The following IPMK variants were observed in gnomAD, a reference collection of about 807,000 sequenced individuals.
IPMK encodes the protein inositol polyphosphate multikinase.
Under a neutral mutation model 45.8 loss-of-function variants are expected in IPMK, and 17 were observed. The observed-to-expected ratio is 0.37, with a 90% CI of 0.25 to 0.56. The LOEUF is 0.56. IPMK is among the 20% of genes least tolerant of loss of function. The probability of loss-of-function intolerance (pLI) is 0.79; values close to 1 mark genes in which losing one functional copy is unlikely to be tolerated. For missense variants in IPMK, 399 were observed against 498.0 expected, an observed-to-expected ratio of 0.80 and a Z score of 1.89; for synonymous variants, 180 against 184.3, an observed-to-expected ratio of 0.98 and a Z score of 0.19.
At chr10:58,244,527 C>G (rs1360332975) in intron 1 of IPMK, among the ~76,000 whole-genome samples, 1 of 150,272 alleles carries the variant, frequency 6.7e-6, no homozygotes, top group Non-Finnish European at 1.5e-5. Context: ...GAAGTGTACC[C>G]AACAGCTCCG....
At chr10:58,232,593 C>A (rs529628354) in intron 2 of IPMK, among the ~76,000 whole-genome samples, 25 of 152,114 alleles carry the variant, frequency 1.6e-4, no homozygotes, top group Non-Finnish European at 3.1e-4. Context: ...GGGTACATAA[C>A]GAAATGAAAG....
intron 4 of IPMK, among the ~76,000 whole-genome samples, chr10:58,203,284 C>T (rs1255521990): frequency 2.0e-5 from 3 of 152,114 alleles, no homozygotes; most frequent in South Asian, 2.1e-4. Context: ...CATGATAAAC[C>T]GTGAATGGAT....
chr10:58,202,523 G>C (rs547116520), intron 4 of IPMK, among the ~76,000 whole-genome samples: 1 of 152,114 alleles, frequency 6.6e-6, no homozygotes, highest in Non-Finnish European at 1.5e-5. Flanking sequence ...AAATTAGTTG[G>C]GTGTGGTGGC....
At chr10:58,250,413 G>GTTT (rs1483993807) in intron 1 of IPMK, among the ~76,000 whole-genome samples, 2 of 129,434 alleles carry the variant, frequency 1.5e-5, no homozygotes, top group African/African-American at 7.6e-5. Flanking sequence ...TTTTCCTAGG[G>GTTT]TTTTTGTTGT....
At chr10:58,245,886 A>G (rs1838792073) in intron 1 of IPMK, among the ~76,000 whole-genome samples, 1 of 134,200 alleles carries the variant, frequency 7.5e-6, no homozygotes, top group African/African-American at 3.5e-5. Context: ...AGACGACATG[A>G]TTGTATATTT....
chr10:58,204,889 TA>T (rs1323133791), intron 4 of IPMK, among the ~76,000 whole-genome samples: 3 of 152,172 alleles, frequency 2.0e-5, no homozygotes, highest in Non-Finnish European at 4.4e-5. Context: ...AACAGTGTAG[TA>T]CTTGGCATAA....
At chr10:58,237,012 G>T (rs1838623704) in intron 2 of IPMK, among the ~76,000 whole-genome samples, 1 of 152,174 alleles carries the variant, frequency 6.6e-6, no homozygotes, top group Non-Finnish European at 1.5e-5. Context: ...GGAGGCAGAG[G>T]TTGCAATGAA....
intron 1 of IPMK, among the ~76,000 whole-genome samples, chr10:58,266,910 C>A (rs1207710836): frequency 6.6e-6 from 1 of 152,132 alleles, no homozygotes; most frequent in Non-Finnish European, 1.5e-5. Flanking sequence ...AAATCACGGA[C>A]AAGCTTTCTT....
intron 4 of IPMK, chr10:58,213,159 T>C (rs1028732397): frequency 4.6e-5 from 7 of 152,320 alleles, no homozygotes; most frequent in Admixed American, 2.0e-4. Context: ...GTTATGTCAG[T>C]TTTTTATGTA....
At chr10:58,204,838 G>A (rs1200380003) in intron 4 of IPMK, among the ~76,000 whole-genome samples, 5 of 151,936 alleles carry the variant, frequency 3.3e-5, no homozygotes, top group African/African-American at 1.2e-4. Context: ...AAAATTGGAG[G>A]ACTCATAATT....
chr10:58,193,006 A>G lies in IPMK; in HGVS notation c.*3070T>C, dbSNP rs1388677284. ...TAAGAGAAAATGTACTAAAATGACAATGCTTTACCATAGTGGACACAATTC... is the reference window on the plus strand; with the variant it reads ...TAAGAGAAAATGTACTAAAATGACAGTGCTTTACCATAGTGGACACAATTC... On this transcript the variant is annotated 3_prime_UTR_variant, in exon 6 of 6. Coordinates refer to ENST00000373935, the MANE Select transcript of IPMK (RefSeq NM_152230.5). The G allele has an allele frequency of 6.6e-6, 1 of 151,980 alleles. No individual in the cohort carries two copies. Among genetic ancestry groups the G allele is most frequent in the Non-Finnish European group, 1.5e-5 (1 of 67,860 alleles). The allele number at this position is 151,980 out of a possible 1,614,324, so 9.4% of individuals were successfully genotyped here.
intron 1 of IPMK, among the ~76,000 whole-genome samples, chr10:58,243,389 T>G (rs1988577): frequency 0.34 from 51,479 of 152,114 alleles, 10,963 homozygotes; most frequent in African/African-American, 0.61. Flanking sequence ...CTCTCCCTCT[T>G]TCTACGGTCT....
At chr10:58,261,267 C>A (rs1167614689) in intron 1 of IPMK, among the ~76,000 whole-genome samples, 1 of 150,272 alleles carries the variant, frequency 6.7e-6, no homozygotes, top group African/African-American at 2.5e-5. Context: ...CTATTTAATT[C>A]TGTAAAAAGA....
intron 1 of IPMK, among the ~76,000 whole-genome samples, chr10:58,241,656 T>C (rs2132167747): frequency 6.6e-6 from 1 of 152,262 alleles, no homozygotes; most frequent in South Asian, 2.1e-4. Context: ...TGGTTCCTAG[T>C]ATGGACTCTC....
At chr10:58,236,328 T>C (rs1791416995) in intron 2 of IPMK, among the ~76,000 whole-genome samples, 1 of 152,146 alleles carries the variant, frequency 6.6e-6, no homozygotes, top group South Asian at 2.1e-4. Flanking sequence ...CAAAAGCAGA[T>C]AAAGATAATA....
chr10:58,249,350 C>G (rs958529301), intron 1 of IPMK, among the ~76,000 whole-genome samples: 1 of 152,154 alleles, frequency 6.6e-6, no homozygotes, highest in Non-Finnish European at 1.5e-5. Context: ...CCTCCCAGGG[C>G]TGGGATTATA....
intron 5 of IPMK, 108 bp downstream of exon 5, chr10:58,199,132 A>G (rs1360654182): frequency 3.2e-6 from 2 of 623,300 alleles, no homozygotes; most frequent in Non-Finnish European, 5.4e-6. Context: ...TATTTAAAAA[A>G]TGTTTATTAT....
intron 3 of IPMK, among the ~76,000 whole-genome samples, chr10:58,224,253 T>C (rs564835292): frequency 6.6e-6 from 1 of 152,298 alleles, no homozygotes; most frequent in Non-Finnish European, 1.5e-5. Flanking sequence ...AGATTACATT[T>C]TGAAAACTCT....
At chr10:58,217,688 C>CAGAAAAAA (rs1838266499) in intron 3 of IPMK, among the ~76,000 whole-genome samples, 1 of 49,266 alleles carries the variant, frequency 2.0e-5, no homozygotes, top group East Asian at 7.0e-4. Flanking sequence ...AACTCCATCT[C>CAGAAAAAA]AAAAAAAAAA....
Sources: allele counts gnomAD v4.1 joint callset (sites outside exome capture counted in the v4.1 genomes callset), GRCh38; gene constraint gnomAD v4.1.1; transcripts MANE v1.5; gene names NCBI Gene and HGNC (gene_info 2026-07-23, HGNC 2026-07-21).